Variants in CACNA2D3 observed in about 807,000 individuals in gnomAD.
The protein encoded by CACNA2D3 is voltage-dependent calcium channel subunit alpha-2/delta-3.
Under a neutral mutation model 160.6 loss-of-function variants are expected in CACNA2D3, and 60 were observed. The observed-to-expected ratio is 0.37, with a 90% CI of 0.30 to 0.46. The LOEUF (loss-of-function observed/expected upper bound fraction) is 0.46. Among genes scored for constraint, CACNA2D3 ranks in the 20% least tolerant of loss-of-function variants. CACNA2D3 has a pLI of 1.00. For synonymous variants in CACNA2D3, 558 were observed against 492.9 expected, an observed-to-expected ratio of 1.13 and a Z score of -1.75; for missense variants, 1,205 against 1,365.0, an observed-to-expected ratio of 0.88 and a Z score of 1.85.
intron 35 of CACNA2D3, among the ~76,000 whole-genome samples, chr3:55,053,772 G>T (rs1448308604): frequency 6.6e-6 from 1 of 151,838 alleles, no homozygotes; most frequent in Non-Finnish European, 1.5e-5. Flanking sequence ...TGAATTTTAT[G>T]TCCTTTCTTG....
rs922896859 is a variant in CACNA2D3 at position 54,729,871 on chromosome 3, C to T, written c.1168-22728C>T. Among the ~76,000 whole-genome samples the T allele has an allele frequency of 8.6e-5, 13 of 151,756 alleles. No individual in the cohort carries two copies. In the East Asian group the frequency reaches 9.7e-4, roughly 11 times the overall value. ...AAAATAAGCTGGGCGTGATGGCAGGCGCCTGTAGTCCCAGTTACTCAGGAG... is the reference window on the plus strand; with the variant it reads ...AAAATAAGCTGGGCGTGATGGCAGGTGCCTGTAGTCCCAGTTACTCAGGAG... On this transcript the variant is annotated intron_variant, in intron 11 of 37. Coordinates refer to ENST00000474759, the MANE Select transcript of CACNA2D3 (RefSeq NM_018398.3).
intron 3 of CACNA2D3, among the ~76,000 whole-genome samples, chr3:54,373,495 G>C (rs1340852986): frequency 6.6e-6 from 1 of 152,160 alleles, no homozygotes; most frequent in Non-Finnish European, 1.5e-5. Flanking sequence ...TTTTAAGAAA[G>C]CATGCCTATA....
chr3:54,656,252 C>A (rs757528912), intron 11 of CACNA2D3, among the ~76,000 whole-genome samples: 2 of 152,254 alleles, frequency 1.3e-5, no homozygotes, highest in Non-Finnish European at 2.9e-5. Context: ...GCACTTAATT[C>A]TCCGAAGTGA....
chr3:54,433,564 C>T lies in CACNA2D3; in HGVS notation c.381+46790C>T, dbSNP rs1416005403. On this transcript the variant is annotated intron_variant, in intron 4 of 37. Transcript: ENST00000474759. ...CAGCAAAGGAGTATCTCCATTACCC[C>T]TTGCTTCTCCCTCTTGTAACTAAAA... Among the ~76,000 whole-genome samples, 4 of 152,310 alleles carry T rather than the reference C, an allele frequency of 2.6e-5. No homozygotes were observed. In the East Asian group the frequency reaches 7.7e-4, roughly 29 times the overall value.
intron 2 of CACNA2D3, among the ~76,000 whole-genome samples, chr3:54,294,591 C>T (rs878902299): frequency 7.9e-5 from 12 of 152,164 alleles, no homozygotes; most frequent in African/African-American, 2.4e-4. Flanking sequence ...TTGTTCCCCA[C>T]GCTTTGCATG....
chr3:54,810,228 G>A (rs761735375), intron 13 of CACNA2D3, among the ~76,000 whole-genome samples: 1 of 152,188 alleles, frequency 6.6e-6, no homozygotes, highest in African/African-American at 2.4e-5. Context: ...TATACTTTCA[G>A]ATCATTCTGG....
At chr3:54,264,701 G>T (rs1274599668) in intron 2 of CACNA2D3, among the ~76,000 whole-genome samples, 2 of 152,166 alleles carry the variant, frequency 1.3e-5, no homozygotes, top group Admixed American at 6.5e-5. Flanking sequence ...AAGGTATGTG[G>T]TTCTTATTTA....
chr3:54,653,772 G>A (rs1699821129), intron 11 of CACNA2D3, among the ~76,000 whole-genome samples: 1 of 152,190 alleles, frequency 6.6e-6, no homozygotes, highest in Admixed American at 6.5e-5. Flanking sequence ...CCCTGTGGTG[G>A]AAACTGTGGT....
rs116715165 is a variant in CACNA2D3 at position 54,973,521 on chromosome 3, T to A, written c.2556+3677T>A. ...AAGGAATAGAGGCTAATAACCCTTA[T>A]TAAAAATCTCTAAGACTTTTCTAAG... is the stretch of plus-strand genomic sequence containing the variant. On this transcript the variant is annotated intron_variant, in intron 29 of 37. Coordinates refer to ENST00000474759, the MANE Select transcript of CACNA2D3 (RefSeq NM_018398.3). Among the ~76,000 whole-genome samples the A allele has an allele frequency of 8.6e-3, 1,317 of 152,318 alleles. 22 individuals carry two copies. The highest frequency in any genetic ancestry group is 0.03 in the African/African-American group (1,243 of 41,584).
intron 11 of CACNA2D3, among the ~76,000 whole-genome samples, chr3:54,724,057 G>C (rs1701228906): frequency 6.6e-6 from 1 of 152,196 alleles, no homozygotes; most frequent in Admixed American, 6.5e-5. Flanking sequence ...GGCTGAAAAT[G>C]AAGGGATGGA....
At chr3:54,635,582 T>C (rs937911001) in intron 10 of CACNA2D3, among the ~76,000 whole-genome samples, 2 of 152,016 alleles carry the variant, frequency 1.3e-5, no homozygotes, top group African/African-American at 4.8e-5. Context: ...ATACAGGAGC[T>C]TAAATGGGCT....
chr3:54,954,804 G>C (rs1367260043), intron 27 of CACNA2D3, among the ~76,000 whole-genome samples: 1 of 152,170 alleles, frequency 6.6e-6, no homozygotes, highest in African/African-American at 2.4e-5. Context: ...TTTAGCTGAG[G>C]GAACAGAGAA....
At chr3:54,798,407 G>C (rs756269466) in intron 13 of CACNA2D3, among the ~76,000 whole-genome samples, 1 of 152,054 alleles carries the variant, frequency 6.6e-6, no homozygotes, top group Non-Finnish European at 1.5e-5. Context: ...GCGTTGGCAT[G>C]TACCTGTAGT....
chr3:54,274,535 C>T (rs1160998493), intron 2 of CACNA2D3, among the ~76,000 whole-genome samples: 6 of 152,182 alleles, frequency 3.9e-5, no homozygotes, highest in African/African-American at 1.4e-4. Flanking sequence ...TATTGTATTG[C>T]AAATTACCCC....
chr3:54,183,593 A>T (rs576250562), intron 2 of CACNA2D3, among the ~76,000 whole-genome samples: 5 of 152,076 alleles, frequency 3.3e-5, no homozygotes, highest in Non-Finnish European at 7.4e-5. Flanking sequence ...CCTGAGTTTA[A>T]TAAGAGCCTG....
intron 4 of CACNA2D3, among the ~76,000 whole-genome samples, chr3:54,471,072 T>C (rs11710340): frequency 0.018 from 2,696 of 152,324 alleles, 36 homozygotes; most frequent in Non-Finnish European, 0.029. Context: ...AATAGACATC[T>C]ACAGAACTCT....
intron 11 of CACNA2D3, among the ~76,000 whole-genome samples, chr3:54,730,303 A>T (rs1226476993): frequency 6.6e-6 from 1 of 152,114 alleles, no homozygotes; most frequent in Non-Finnish European, 1.5e-5. Context: ...CAAAGAAGAC[A>T]CATTTGTGAA....
At chr3:54,223,413 A>T (rs968495901) in intron 2 of CACNA2D3, among the ~76,000 whole-genome samples, 2 of 152,216 alleles carry the variant, frequency 1.3e-5, no homozygotes, top group Non-Finnish European at 2.9e-5. Flanking sequence ...GGCATAAAGG[A>T]CAAAAGATGG....
At chr3:55,002,037 TC>T (rs1702989097) in intron 31 of CACNA2D3, among the ~76,000 whole-genome samples, 1 of 151,616 alleles carries the variant, frequency 6.6e-6, no homozygotes. Context: ...GTGCCTGTAG[TC>T]CCAACTACTC....
Sources: allele counts gnomAD v4.1 joint callset (sites outside exome capture counted in the v4.1 genomes callset), GRCh38; gene constraint gnomAD v4.1.1; transcripts MANE v1.5; gene names NCBI Gene and HGNC (gene_info 2026-07-23, HGNC 2026-07-21).